The following EFCAB8 variants were observed in gnomAD, a reference collection of about 807,000 sequenced individuals.
EFCAB8 encodes EF-hand calcium-binding domain-containing protein 8.
EFCAB8 carries 100 observed loss-of-function variants against 116.3 expected under a neutral mutation model. The observed-to-expected ratio is 0.86, with a 90% CI of 0.73 to 1.02. EFCAB8 has a LOEUF of 1.02. Among genes scored for constraint, EFCAB8 ranks in the 50% least tolerant of loss-of-function variants. The pLI, the probability that EFCAB8 is intolerant of heterozygous loss-of-function variation, is 0.00. For synonymous variants in EFCAB8, 558 were observed against 567.9 expected (o/e 0.98, Z 0.25); for missense variants, 1,320 against 1,416.9 (o/e 0.93, Z 1.10).
At position 32,939,584 on chromosome 20, in the gene EFCAB8, G is replaced by A. The variant is rs1988322190; in HGVS notation, c.2791-4052G>A. Among the ~76,000 whole-genome samples the A allele has an allele frequency of 1.4e-5, 2 of 145,536 alleles. 1 individual carries two copies. Among genetic ancestry groups the A allele is most frequent in the Admixed American group, 1.4e-4 (2 of 14,800 alleles). Reference sequence around the variant, plus strand: ...AGGCATGAGCCACCTCGCCTGGCGGGCTGGCTTTCTTTTCTTCCTTCCTTC... The same window carrying A: ...AGGCATGAGCCACCTCGCCTGGCGGACTGGCTTTCTTTTCTTCCTTCCTTC... On this transcript the variant is annotated intron_variant, in intron 22 of 26. Coordinates refer to ENST00000400522, the MANE Select transcript of EFCAB8 (RefSeq NM_001143967.2).
intron 1 of EFCAB8, among the ~76,000 whole-genome samples, chr20:32,863,575 G>C (rs1402399292): frequency 1.3e-5 from 2 of 152,162 alleles, no homozygotes; most frequent in African/African-American, 4.8e-5. Flanking sequence ...AGGCTCAAGT[G>C]CAAGCTTGGC....
At position 32,944,131 on chromosome 20, in the gene EFCAB8, G is replaced by A. The variant is rs572048016; in HGVS notation, c.2959+327G>A. ...ATACAAACCAGAAGGGTTCAGCTTG[G>A]TGAATTTTGAGAAAGTAAATACATA... On this transcript the variant is annotated intron_variant, in intron 23 of 26. Transcript: ENST00000400522. Among the ~76,000 whole-genome samples the A allele has an allele frequency of 3.9e-5, 6 of 152,242 alleles. No individual in the cohort carries two copies. In the South Asian group the frequency reaches 1.0e-3, roughly 26 times the overall value.
intron 19 of EFCAB8, among the ~76,000 whole-genome samples, chr20:32,918,891 C>T (rs1245245394): frequency 1.3e-5 from 2 of 152,178 alleles, no homozygotes; most frequent in Non-Finnish European, 2.9e-5. Flanking sequence ...AGATCCTGGG[C>T]TGCATTCTCA....
intron 1 of EFCAB8, among the ~76,000 whole-genome samples, chr20:32,863,264 C>T (rs1209920939): frequency 1.3e-5 from 2 of 152,162 alleles, no homozygotes; most frequent in East Asian, 3.9e-4. Context: ...GCCTTGCTGA[C>T]CCAATAGAAA....
intron 26 of EFCAB8, among the ~76,000 whole-genome samples, chr20:32,960,762 G>C (rs1022011598): frequency 6.6e-6 from 1 of 152,234 alleles, no homozygotes; most frequent in Non-Finnish European, 1.5e-5. Flanking sequence ...TGCCCCTGCA[G>C]GGCCCCCCTG....
In EFCAB8 at chr20:32,878,802, C is replaced by T. The variant is rs747856492; in HGVS notation, c.426C>T (p.Val142=). 7 of 1,552,014 alleles carry T rather than the reference C, an allele frequency of 4.5e-6. No individual in the cohort carries two copies. The highest frequency in any genetic ancestry group is 5.2e-6 in the Non-Finnish European group (6 of 1,147,056). ...ACTTCTACCTTCCCATGACGGTCGT[C>T]CCCCTGTAAGGAGCCTCTTCCTGGG... is the stretch of plus-strand genomic sequence containing the variant. The part of the protein sequence containing the change: ...RLHFYLPMTV[V]PLNHGCEVVK... Residue 142 remains valine (V), a synonymous_variant, in exon 5 of 27, where the codon GTC becomes GTT. Coordinates refer to ENST00000400522, the MANE Select transcript of EFCAB8 (RefSeq NM_001143967.2).
intron 23 of EFCAB8, 149 bp from the exon 24 acceptor site, chr20:32,958,272 G>T (rs1989034188): frequency 7.7e-6 from 3 of 390,546 alleles, no homozygotes; most frequent in Non-Finnish European, 1.4e-5. Flanking sequence ...TGTCGTGCCT[G>T]GTGTATGGTG....
At chr20:32,916,469 A>G (rs1987193492) in intron 17 of EFCAB8, among the ~76,000 whole-genome samples, 1 of 151,768 alleles carries the variant, frequency 6.6e-6, no homozygotes, top group Non-Finnish European at 1.5e-5. Flanking sequence ...CTGTTGCCCA[A>G]GCTGGTCTTG....
intron 23 of EFCAB8, among the ~76,000 whole-genome samples, chr20:32,951,561 G>A (rs561092573): frequency 6.6e-6 from 1 of 152,316 alleles, no homozygotes; most frequent in African/African-American, 2.4e-5. Flanking sequence ...GGGCTGATGA[G>A]GGTTGGAAGG....
At chr20:32,913,018 T>C (rs555624218) in intron 17 of EFCAB8, among the ~76,000 whole-genome samples, 154 bp downstream of exon 17, 180 of 152,320 alleles carry the variant, frequency 1.2e-3, no homozygotes, top group African/African-American at 4.1e-3. Flanking sequence ...CATCCATCCA[T>C]TTATTCATTA....
At chr20:32,894,296 G>A (rs896279038) in intron 9 of EFCAB8, among the ~76,000 whole-genome samples, 2 of 152,204 alleles carry the variant, frequency 1.3e-5, no homozygotes, top group Admixed American at 6.5e-5. Flanking sequence ...TGGCAGGCTT[G>A]TTGGGGCAGC....
rs1986773671 is a variant in EFCAB8 at position 32,908,345 on chromosome 20, G to T, written c.1379G>T (p.Gly460Val). ...QSFCGKFFALGNCPITSAYFF... is the reference protein window; with the variant it reads ...QSFCGKFFALVNCPITSAYFF... ...TTCTGTGGGAAGTTTTTTGCTCTGG[G>T]AAACTGCCCCATCACCAGTGCCTAC... The change falls in exon 14 of 27, where the codon GGA becomes GTA. Residue 460 changes from glycine (G) to valine (V), a missense_variant. Transcript: ENST00000400522. The T allele has an allele frequency of 8.0e-7, 1 of 1,249,850 alleles. No homozygotes were observed. Among genetic ancestry groups the T allele is most frequent in the African/African-American group, 1.6e-5 (1 of 64,490 alleles). 77.4% of individuals were successfully genotyped at this position (1,249,850 alleles called of 1,614,324 possible).
At chr20:32,894,551 A>G (rs1986070625) in intron 9 of EFCAB8, among the ~76,000 whole-genome samples, 1 of 152,236 alleles carries the variant, frequency 6.6e-6, no homozygotes, top group African/African-American at 2.4e-5. Flanking sequence ...TTCCATGCCA[A>G]CAAGTGATTG....
chr20:32,904,472 T>G (rs540538070), intron 11 of EFCAB8, among the ~76,000 whole-genome samples: 4 of 114,776 alleles, frequency 3.5e-5, no homozygotes, highest in Admixed American at 8.7e-5. Flanking sequence ...CTAATTTTTG[T>G]TTTTTTTGTA....
intron 5 of EFCAB8, 130 bp from the exon 6 acceptor site, chr20:32,885,375 T>C (rs1985564216): frequency 1.6e-6 from 2 of 1,230,126 alleles, no homozygotes; most frequent in Admixed American, 2.5e-5. Context: ...GGCGTGCGCA[T>C]GTGCGTGCGT....
intron 20 of EFCAB8, among the ~76,000 whole-genome samples, chr20:32,926,119 A>T (rs1482285583): frequency 6.6e-6 from 1 of 151,758 alleles, no homozygotes; most frequent in Non-Finnish European, 1.5e-5. Flanking sequence ...ATTCACCTTC[A>T]CCCTACCTGC....
chr20:32,861,075 C>T (rs1190867415), intron 1 of EFCAB8, among the ~76,000 whole-genome samples: 1 of 152,224 alleles, frequency 6.6e-6, no homozygotes. Flanking sequence ...ATGGAAATCT[C>T]TCTTAGCTGC....
intron 2 of EFCAB8, among the ~76,000 whole-genome samples, chr20:32,865,125 G>A (rs938732778): frequency 6.6e-6 from 1 of 152,174 alleles, no homozygotes; most frequent in Non-Finnish European, 1.5e-5. Context: ...CCACATGTAT[G>A]GACAGACAAG....
chr20:32,888,949 G>GT (rs1985771643), intron 6 of EFCAB8, among the ~76,000 whole-genome samples: 1 of 151,522 alleles, frequency 6.6e-6, no homozygotes, highest in South Asian at 2.1e-4. Flanking sequence ...GAGTTTGGTT[G>GT]GTTTTTTTTG....
Sources: gnomAD v4.1 joint callset for allele counts (sites outside exome capture counted in the v4.1 genomes callset) on GRCh38, gnomAD v4.1.1 for gene constraint, MANE v1.5 for transcripts, NCBI Gene and HGNC (gene_info 2026-07-23, HGNC 2026-07-21) for gene names.